The following CCDC73 variants were observed in gnomAD, a reference collection of about 807,000 sequenced individuals.
The protein encoded by CCDC73 is coiled-coil domain-containing protein 73.
CCDC73 carries 95 observed loss-of-function variants against 116.5 expected under a neutral mutation model. That is an observed-to-expected ratio of 0.82 (90% confidence interval 0.69 to 0.97). The LOEUF is 0.97. Among genes scored for constraint, CCDC73 ranks in the 50% least tolerant of loss-of-function variants. The probability of loss-of-function intolerance (pLI) is 0.00; values close to 1 mark genes in which losing one functional copy is unlikely to be tolerated. For missense variants in CCDC73, 1,066 were observed against 1,206.8 expected (o/e 0.88, Z 1.73); for synonymous variants, 398 against 401.3 (o/e 0.99, Z 0.10).
At chr11:32,619,105 A>G (rs1171676917) in intron 14 of CCDC73, among the ~76,000 whole-genome samples, 2 of 152,088 alleles carry the variant, frequency 1.3e-5, no homozygotes, top group African/African-American at 4.8e-5. Flanking sequence ...CATTGTTTGC[A>G]TGGGTTGTCT....
chr11:32,769,689 C>A (rs1452627529), intron 1 of CCDC73, among the ~76,000 whole-genome samples: 3 of 152,156 alleles, frequency 2.0e-5, no homozygotes, highest in African/African-American at 7.2e-5. Context: ...AAACAATCCA[C>A]TAGACATCTC....
At chr11:32,656,342 G>C (rs1428842039) in intron 9 of CCDC73, among the ~76,000 whole-genome samples, 2 of 151,898 alleles carry the variant, frequency 1.3e-5, no homozygotes, top group Non-Finnish European at 2.9e-5. Context: ...GCCTCCCAAA[G>C]TGCTGGGATT....
At chr11:32,699,356 T>C in intron 5 of CCDC73, 31 bp from the exon 6 acceptor site, 1 of 1,510,352 alleles carries the variant, frequency 6.6e-7, no homozygotes, top group Non-Finnish European at 8.9e-7. Context: ...TTCAATACTT[T>C]CCAATGTAAA....
chr11:32,763,343 C>A (rs1468265432), intron 1 of CCDC73, among the ~76,000 whole-genome samples: 1 of 152,352 alleles, frequency 6.6e-6, no homozygotes, highest in East Asian at 1.9e-4. Context: ...TGGGAGGCCC[C>A]CCAGTAGGGG....
intron 14 of CCDC73, among the ~76,000 whole-genome samples, chr11:32,629,763 T>C (rs1487188379): frequency 1.4e-5 from 1 of 68,986 alleles, no homozygotes. Context: ...CCAGAAGCAA[T>C]GCAAGCCAAA....
At chr11:32,640,103 C>A (rs935570965) in intron 13 of CCDC73, among the ~76,000 whole-genome samples, 3 of 152,016 alleles carry the variant, frequency 2.0e-5, no homozygotes, top group Admixed American at 6.5e-5. Flanking sequence ...GAAAAACTTA[C>A]AGATAGAAAT....
Position 32,602,821 on chromosome 11 carries a change from CTG to C in CCDC73, c.3228_3229del (p.Asn1076LysfsTer6). On this transcript the variant is annotated frameshift_variant, in exon 18 of 18. Coordinates refer to ENST00000335185, the MANE Select transcript of CCDC73 (RefSeq NM_001008391.4). LOFTEE classifies it high-confidence loss of function. ...AAGCACTTATCTACATTATTTTAAT[CTG>C]TTGTTTTTTTCCAACGTCTCTTCTG... 4 of 1,589,018 alleles carry C rather than the reference CTG, an allele frequency of 2.5e-6. No individual in the cohort carries two copies. The highest frequency in any genetic ancestry group is 1.7e-4 in the Middle Eastern group (1 of 5,854).
chr11:32,634,253 C>A (rs1855658920), intron 14 of CCDC73, among the ~76,000 whole-genome samples: 1 of 152,062 alleles, frequency 6.6e-6, no homozygotes, highest in South Asian at 2.1e-4. Context: ...CTCATCAATA[C>A]AAAATCCTTA....
In CCDC73 at chr11:32,614,455, A is replaced by G. The variant is rs1565056817; in HGVS notation, c.1863T>C (p.Asn621=). The G allele has an allele frequency of 1.2e-6, 2 of 1,613,492 alleles. No homozygotes were observed. Among genetic ancestry groups the G allele is most frequent in the East Asian group, 4.5e-5 (2 of 44,814 alleles). The change falls in exon 16 of 18, where the codon AAT becomes AAC. Residue 621 remains asparagine, a synonymous_variant. Transcript: ENST00000335185. ...REHALEKEIT[N]SDQTKADLDS... ...CCAAATCTGCTTTGGTTTGGTCACT[A>G]TTTGTAATTTCCTTCTCTAGAGCAT...
the CCDC73 span, among the ~76,000 whole-genome samples, chr11:32,810,536 A>G: frequency 6.6e-6 from 1 of 152,222 alleles, no homozygotes; most frequent in Non-Finnish European, 1.5e-5. Context: ...CTAATTCAGC[A>G]CGCCCTTTAA....
chr11:32,692,162 C>T (rs1012845218), intron 6 of CCDC73, among the ~76,000 whole-genome samples: 13 of 151,518 alleles, frequency 8.6e-5, no homozygotes, highest in African/African-American at 3.2e-4. Flanking sequence ...GGTCTGTGAT[C>T]CATTTTGAGT....
chr11:32,695,812 G>A (rs886298510), intron 6 of CCDC73, among the ~76,000 whole-genome samples: 4 of 144,208 alleles, frequency 2.8e-5, no homozygotes, highest in Admixed American at 6.9e-5. Flanking sequence ...TGAAGTAAGC[G>A]TTTAAGTTTT....
intron 12 of CCDC73, among the ~76,000 whole-genome samples, chr11:32,650,961 A>G (rs1855820848): frequency 1.3e-5 from 2 of 152,076 alleles, no homozygotes; most frequent in South Asian, 4.2e-4. Flanking sequence ...TCAATTTGTC[A>G]TGGTGCTTTT....
At chr11:32,783,793 A>G (rs114579334) in intron 1 of CCDC73, among the ~76,000 whole-genome samples, 1,819 of 152,274 alleles carry the variant, frequency 0.012, 36 homozygotes, top group African/African-American at 0.041. Flanking sequence ...ACAAATATTT[A>G]TTCTATAGCA....
At position 32,614,388 on chromosome 11, in the gene CCDC73, T is replaced by G. The variant is rs1255160442; in HGVS notation, c.1930A>C (p.Lys644Gln). The stretch of plus-strand genomic sequence containing the variant: ...TTACTTGAATTCCGTAAACTATATT[T>G]CTGACATGGAACAGGATTTTTTTTT... ...DIKKNPVPCQ[K>Q]YSLRNSSNVM... The change falls in exon 16 of 18, where the codon AAA becomes CAA. Residue 644 changes from lysine (K) to glutamine (Q), a missense_variant. Transcript: ENST00000335185. 1.2e-6 allele frequency: 2 copies of G among 1,613,220 alleles called. No individual in the cohort carries two copies. The highest frequency in any genetic ancestry group is 2.7e-5 in the African/African-American group (2 of 74,906).
At chr11:32,659,221 T>A (rs1855900380) in intron 9 of CCDC73, among the ~76,000 whole-genome samples, 2 of 151,882 alleles carry the variant, frequency 1.3e-5, no homozygotes, top group Admixed American at 1.3e-4. Context: ...TTGCATGAAT[T>A]TTTTTTTTCA....
chr11:32,687,267 G>A (rs933662936), intron 6 of CCDC73, among the ~76,000 whole-genome samples: 29 of 152,272 alleles, frequency 1.9e-4, no homozygotes, highest in African/African-American at 6.5e-4. Flanking sequence ...GGCCTGAATG[G>A]AGAAAAGAGG....
At chr11:32,628,379 C>A (rs144445292) in intron 14 of CCDC73, among the ~76,000 whole-genome samples, 1 of 152,144 alleles carries the variant, frequency 6.6e-6, no homozygotes, top group African/African-American at 2.4e-5. Context: ...AAGATGAAGG[C>A]GCTACCCAGA....
chr11:32,623,780 G>A (rs1435925123), intron 14 of CCDC73, among the ~76,000 whole-genome samples: 3 of 152,166 alleles, frequency 2.0e-5, no homozygotes, highest in Non-Finnish European at 4.4e-5. Context: ...ATGGGTGTGA[G>A]ATCAAAAAGT....
Sources: gnomAD v4.1 joint callset for allele counts (sites outside exome capture counted in the v4.1 genomes callset) on GRCh38, gnomAD v4.1.1 for gene constraint, MANE v1.5 for transcripts, NCBI Gene and HGNC (gene_info 2026-07-23, HGNC 2026-07-21) for gene names.